The following HDAC4 variants were observed in gnomAD, a reference collection of about 807,000 sequenced individuals.
HDAC4 encodes histone deacetylase A.
In HDAC4, 16 loss-of-function variants were observed where a neutral mutation model predicts 135.1. That is an observed-to-expected ratio of 0.12 (90% CI 0.08 to 0.18). HDAC4 has a LOEUF of 0.18. HDAC4 is among the 10% of genes least tolerant of loss of function. The pLI is 1.00. For missense variants in HDAC4, 1,143 were observed against 1,511.8 expected, an observed-to-expected ratio of 0.76 and a Z score of 4.05; for synonymous variants, 685 against 653.4, an observed-to-expected ratio of 1.05 and a Z score of -0.74.
chr2:239,286,371 G>A (rs1445718804), intron 2 of HDAC4, among the ~76,000 whole-genome samples: 3 of 152,206 alleles, frequency 2.0e-5, no homozygotes, highest in African/African-American at 7.2e-5. Flanking sequence ...AGATCCTGAC[G>A]AAGAAATCAG....
At position 239,156,707 on chromosome 2, in the gene HDAC4, G is replaced by A. The variant is rs115568164; in HGVS notation, c.678C>T (p.Asn226=). ...CGTCGTACATTCCCAGGACCGGGTGGTTATAGGAGGTCGACACTCCGCTCT... is the reference window on the plus strand; with the variant it reads ...CGTCGTACATTCCCAGGACCGGGTGATTATAGGAGGTCGACACTCCGCTCT... ...PPQSGVSTSY[N]HPVLGMYDAK... Residue 226 remains asparagine, a synonymous_variant, in exon 7 of 27, where the codon AAC becomes AAT. Transcript: ENST00000543185. The A allele has an allele frequency of 5.6e-6, 9 of 1,614,016 alleles. No individual in the cohort carries two copies. In the Admixed American group the frequency reaches 1.2e-4, roughly 21 times the overall value.
chr2:239,278,009 CA>C (rs2050481967), intron 2 of HDAC4, among the ~76,000 whole-genome samples: 1 of 150,566 alleles, frequency 6.6e-6, no homozygotes, highest in African/African-American at 2.5e-5. Context: ...ACACCCCAGC[CA>C]CACACCCTAG....
chr2:239,206,034 G>T (rs934505234), intron 3 of HDAC4, among the ~76,000 whole-genome samples: 1 of 152,182 alleles, frequency 6.6e-6, no homozygotes, highest in Non-Finnish European at 1.5e-5. Context: ...GTTGGATAAC[G>T]AATATGGCTG....
rs185821659 is a variant in HDAC4 at position 239,066,575 on chromosome 2, G to A, written c.3003+147C>T. On this transcript the variant is annotated intron_variant, in intron 24 of 26. Transcript: ENST00000543185. ...GCCACATTTAGAGCTATGCGGGGGT[G>A]GGGGGCAGGTGCAAGGCGGAGCTGC... 1.2e-5 allele frequency: 12 copies of A among 1,010,788 alleles called. No homozygotes were observed. In the Admixed American group the frequency reaches 1.6e-4, roughly 13 times the overall value. 62.6% of individuals were successfully genotyped at this position (1,010,788 alleles called of 1,614,324 possible). A position where few individuals can be genotyped will look rare whatever the true frequency, so the allele number is the denominator to read the frequency against.
intron 1 of HDAC4, among the ~76,000 whole-genome samples, chr2:239,353,500 G>A (rs1012057059): frequency 3.3e-5 from 5 of 152,204 alleles, no homozygotes; most frequent in Admixed American, 2.0e-4. Context: ...GTGTTGGGGT[G>A]TAGGGCTGCC....
chr2:239,277,133 G>A (rs2050415819), intron 2 of HDAC4, among the ~76,000 whole-genome samples: 1 of 152,180 alleles, frequency 6.6e-6, no homozygotes, highest in Admixed American at 6.5e-5. Context: ...GCTCACCTTG[G>A]TGTACCCAGC....
intron 3 of HDAC4, among the ~76,000 whole-genome samples, chr2:239,217,637 C>T (rs917299262): frequency 4.6e-5 from 7 of 152,094 alleles, no homozygotes; most frequent in South Asian, 2.1e-4. Flanking sequence ...TTAGGGAAAG[C>T]GTATGAGCTC....
chr2:239,232,026 A>G (rs1414085767), intron 3 of HDAC4, among the ~76,000 whole-genome samples: 17 of 43,560 alleles, frequency 3.9e-4, no homozygotes, highest in African/African-American at 9.1e-4. Context: ...GCTGCTGAGC[A>G]CCTGCTCCCG....
chr2:239,121,994 G>C (rs1457441960), intron 12 of HDAC4, among the ~76,000 whole-genome samples: 1 of 152,252 alleles, frequency 6.6e-6, no homozygotes, highest in Admixed American at 6.5e-5. Flanking sequence ...GGGACACTGA[G>C]AGCCCCTTTC....
At chr2:239,083,119 C>T (rs1256820017) in intron 20 of HDAC4, among the ~76,000 whole-genome samples, 1 of 152,264 alleles carries the variant, frequency 6.6e-6, no homozygotes, top group African/African-American at 2.4e-5. Flanking sequence ...CATGTGGCTT[C>T]ACACTGAGAT....
At chr2:239,364,667 G>A (rs1694068586) in intron 1 of HDAC4, among the ~76,000 whole-genome samples, 1 of 152,236 alleles carries the variant, frequency 6.6e-6, no homozygotes, top group South Asian at 2.1e-4. Context: ...CTTTTCTCAT[G>A]TATTTTATAA....
At chr2:239,183,977 C>T (rs189847747) in intron 4 of HDAC4, among the ~76,000 whole-genome samples, 3 of 148,134 alleles carry the variant, frequency 2.0e-5, no homozygotes, top group Admixed American at 6.8e-5. Context: ...GCTCTGAAAA[C>T]TCTCTCCTAT....
At chr2:239,296,896 C>A (rs112900317) in intron 2 of HDAC4, among the ~76,000 whole-genome samples, 2 of 152,022 alleles carry the variant, frequency 1.3e-5, no homozygotes. Context: ...GAGCCATTTG[C>A]CCTAATTTCC....
intron 22 of HDAC4, among the ~76,000 whole-genome samples, chr2:239,078,559 C>A (rs531398978): frequency 4.9e-4 from 75 of 152,292 alleles, no homozygotes; most frequent in Non-Finnish European, 9.9e-4. Flanking sequence ...AAACAATTTT[C>A]CTTTTCAAAG....
Position 239,364,009 on chromosome 2 carries a change from CA to C in HDAC4, c.-219-11092del, listed in dbSNP as rs578058289. Among the ~76,000 whole-genome samples, 6 of 152,310 alleles carry C rather than the reference CA, an allele frequency of 3.9e-5. No homozygotes were observed. The East Asian group carries it at 1.2e-3, about 29-fold the overall frequency. On this transcript the variant is annotated intron_variant, in intron 1 of 26. Coordinates refer to ENST00000543185, the MANE Select transcript of HDAC4 (RefSeq NM_001378414.1). ...ACTGCAGGGAAACGCGATAAAGCCA[CA>C]ACGGAACACTCCATACCCACCAAAA...
At chr2:239,372,810 C>T (rs548026865) in intron 1 of HDAC4, among the ~76,000 whole-genome samples, 4 of 152,346 alleles carry the variant, frequency 2.6e-5, no homozygotes, top group Admixed American at 6.5e-5. Context: ...TACACACACA[C>T]GCACACACAT....
intron 25 of HDAC4, 152 bp downstream of exon 25, chr2:239,054,597 C>T: frequency 1.4e-6 from 1 of 699,340 alleles, no homozygotes; most frequent in Non-Finnish European, 2.6e-6. Flanking sequence ...TCAAGAAATG[C>T]AGCTGAAAGC....
intron 2 of HDAC4, among the ~76,000 whole-genome samples, chr2:239,324,786 T>G: frequency 6.6e-6 from 1 of 152,186 alleles, no homozygotes; most frequent in East Asian, 1.9e-4. Context: ...GTGGGCGAGG[T>G]GCTGCTGTAG....
intron 7 of HDAC4, among the ~76,000 whole-genome samples, chr2:239,150,256 CAGAT>C (rs2042027303): frequency 6.6e-6 from 1 of 151,850 alleles, no homozygotes; most frequent in African/African-American, 2.4e-5. Context: ...CACAGACATA[CAGAT>C]ACACACACAG....
Sources: gnomAD v4.1 joint callset for allele counts (sites outside exome capture counted in the v4.1 genomes callset) on GRCh38, gnomAD v4.1.1 for gene constraint, MANE v1.5 for transcripts, NCBI Gene and HGNC (gene_info 2026-07-23, HGNC 2026-07-21) for gene names.